The following KLHL1 variants were observed in gnomAD, a reference collection of about 807,000 sequenced individuals.
KLHL1 encodes the protein kelch like family member 1.
In KLHL1, 47 loss-of-function variants were observed where a neutral mutation model predicts 77.7. The observed-to-expected ratio is 0.60, with a 90% CI of 0.48 to 0.77. The LOEUF (loss-of-function observed/expected upper bound fraction) is 0.77, where lower values mean the gene tolerates loss of function less well. Among genes scored for constraint, KLHL1 ranks in the 30% least tolerant of loss-of-function variants. The pLI, the probability that KLHL1 is intolerant of heterozygous loss-of-function variation, is 0.00. For missense variants in KLHL1, 925 were observed against 910.8 expected (o/e 1.02, Z -0.20); for synonymous variants, 360 against 325.2 (o/e 1.11, Z -1.15).
intron 4 of KLHL1, among the ~76,000 whole-genome samples, chr13:69,916,045 A>G (rs1207470895): frequency 1.3e-5 from 2 of 152,164 alleles, no homozygotes; most frequent in South Asian, 2.1e-4. Flanking sequence ...ATGAGATACC[A>G]TCTCACACCA....
At chr13:70,023,565 C>T (rs1173546950) in intron 1 of KLHL1, among the ~76,000 whole-genome samples, 2 of 151,920 alleles carry the variant, frequency 1.3e-5, no homozygotes, top group Non-Finnish European at 2.9e-5. Flanking sequence ...TAGGAACCAG[C>T]AAGTTCACAA....
intron 1 of KLHL1, among the ~76,000 whole-genome samples, chr13:70,084,030 A>C (rs1887458394): frequency 6.6e-6 from 1 of 152,206 alleles, no homozygotes; most frequent in South Asian, 2.1e-4. Context: ...GAAGTGGATA[A>C]CAACATGTGC....
intron 4 of KLHL1, among the ~76,000 whole-genome samples, chr13:69,912,546 T>A (rs374826189): frequency 6.6e-6 from 1 of 152,172 alleles, no homozygotes. Flanking sequence ...ACTTTTTCAG[T>A]TTCTTTTTAA....
intron 1 of KLHL1, among the ~76,000 whole-genome samples, chr13:70,057,761 C>A (rs1373336247): frequency 2.5e-3 from 269 of 109,162 alleles, no homozygotes; most frequent in African/African-American, 9.0e-3. Flanking sequence ...CCGGCCTGGG[C>A]GACAGAGCGA....
At chr13:69,872,009 G>C (rs184458883) in intron 5 of KLHL1, among the ~76,000 whole-genome samples, 2 of 152,154 alleles carry the variant, frequency 1.3e-5, no homozygotes, top group East Asian at 3.9e-4. Context: ...CTGACTCTCC[G>C]TATCAATTTT....
Position 69,939,679 on chromosome 13 carries a change from A to G in KLHL1, c.1014+361T>C, listed in dbSNP as rs2501211. ...CATAAAGAAGCTTCCTGAATGCAACACGTGGAGGTTCCTGGAGGGTTATGT... is the reference window on the plus strand; with the variant it reads ...CATAAAGAAGCTTCCTGAATGCAACGCGTGGAGGTTCCTGGAGGGTTATGT... On this transcript the variant is annotated intron_variant, in intron 4 of 10. Transcript: ENST00000377844. 6.5e-3 allele frequency among the ~76,000 whole-genome samples: 992 copies of G among 152,214 alleles called. 15 individuals are homozygous for G. The highest frequency in any genetic ancestry group is 0.023 in the African/African-American group (945 of 41,550).
intron 5 of KLHL1, among the ~76,000 whole-genome samples, chr13:69,861,975 TAAA>T (rs1880185376): frequency 2.7e-5 from 3 of 112,024 alleles, no homozygotes; most frequent in Admixed American, 8.3e-5. Context: ...CAAAATAAAA[TAAA>T]ATAAAATAAA....
intron 1 of KLHL1, among the ~76,000 whole-genome samples, chr13:69,981,239 T>C (rs535827960): frequency 7.9e-4 from 120 of 152,110 alleles, no homozygotes; most frequent in Non-Finnish European, 1.6e-3. Flanking sequence ...TTACACTAAA[T>C]ATAGTAAATA....
At chr13:69,796,713 T>A (rs753746176) in intron 7 of KLHL1, 25 bp downstream of exon 7, 6 of 1,459,888 alleles carry the variant, frequency 4.1e-6, no homozygotes, top group Middle Eastern at 1.7e-4. Flanking sequence ...TTTCTAAAAG[T>A]AATATCAATA....
At chr13:69,900,249 C>A (rs969457554) in intron 4 of KLHL1, among the ~76,000 whole-genome samples, 3 of 152,082 alleles carry the variant, frequency 2.0e-5, no homozygotes, top group Admixed American at 1.3e-4. Flanking sequence ...TATTTTATGA[C>A]AAATACAGTA....
intron 7 of KLHL1, among the ~76,000 whole-genome samples, chr13:69,775,374 AT>A (rs1185826888): frequency 6.6e-6 from 1 of 152,172 alleles, no homozygotes; most frequent in African/African-American, 2.4e-5. Context: ...TAATATAATA[AT>A]ATTCACACAA....
intron 4 of KLHL1, among the ~76,000 whole-genome samples, chr13:69,906,904 A>C (rs542864263): frequency 6.6e-6 from 1 of 152,094 alleles, no homozygotes; most frequent in East Asian, 1.9e-4. Flanking sequence ...AGTTTTTAGG[A>C]CTATTACTAA....
chr13:69,814,581 T>G (rs986890507), intron 6 of KLHL1, among the ~76,000 whole-genome samples: 1 of 152,002 alleles, frequency 6.6e-6, no homozygotes, highest in Non-Finnish European at 1.5e-5. Flanking sequence ...GCAAAGGACA[T>G]GAACAGATAC....
At chr13:69,972,747 GAAGAA>G (rs1352875940) in intron 2 of KLHL1, among the ~76,000 whole-genome samples, 2 of 151,830 alleles carry the variant, frequency 1.3e-5, no homozygotes, top group African/African-American at 4.8e-5. Context: ...GGCTAAGGGG[GAAGAA>G]AACTTTCACA....
chr13:69,739,438 A>G (rs139651177), intron 8 of KLHL1, among the ~76,000 whole-genome samples: 7,047 of 152,326 alleles, frequency 0.046, 219 homozygotes, highest in African/African-American at 0.078. Context: ...AAATGCCCCA[A>G]TTAAAAGACA....
chr13:69,947,031 TG>T (rs1566433270), intron 3 of KLHL1, among the ~76,000 whole-genome samples: 2 of 654 alleles, frequency 3.1e-3, no homozygotes, highest in East Asian at 0.091. Flanking sequence ...GTGTGTGTTG[TG>T]TGTGTGTGTG....
intron 3 of KLHL1, among the ~76,000 whole-genome samples, chr13:69,960,375 T>G (rs57828771): frequency 0.022 from 3,329 of 152,168 alleles, 72 homozygotes; most frequent in African/African-American, 0.048. Flanking sequence ...CACACCAGTA[T>G]GAAGAATTTA....
chr13:69,817,792 T>A (rs539194331), intron 6 of KLHL1, among the ~76,000 whole-genome samples: 1 of 152,302 alleles, frequency 6.6e-6, no homozygotes, highest in Non-Finnish European at 1.5e-5. Context: ...TCAAAAAGAA[T>A]GTACTGAGTA....
intron 4 of KLHL1, among the ~76,000 whole-genome samples, chr13:69,908,170 A>T (rs545314620): frequency 1.8e-4 from 27 of 152,112 alleles, no homozygotes; most frequent in Admixed American, 1.8e-3. Flanking sequence ...GCCATGGGCT[A>T]TGGGTATACC....
Sources: allele counts gnomAD v4.1 joint callset (sites outside exome capture counted in the v4.1 genomes callset), GRCh38; gene constraint gnomAD v4.1.1; transcripts MANE v1.5; gene names NCBI Gene and HGNC (gene_info 2026-07-23, HGNC 2026-07-21).